Variants in SLC22A25 observed in about 807,000 individuals in gnomAD.
SLC22A25 encodes the protein solute carrier family 22 member 25.
SLC22A25 carries 44 observed loss-of-function variants against 45.9 expected under a neutral mutation model. The ratio of observed to expected loss-of-function variants is 0.96; its 90% CI spans 0.75 to 1.23. SLC22A25 has a LOEUF of 1.23. SLC22A25 is among the 50% of genes most tolerant of loss of function. The probability of loss-of-function intolerance (pLI) is 0.00; values close to 1 mark genes in which losing one functional copy is unlikely to be tolerated. For missense variants in SLC22A25, 800 were observed against 666.4 expected (o/e 1.20, Z -2.21); for synonymous variants, 283 against 238.6 (o/e 1.19, Z -1.72).
chr11:63,193,713 G>A (rs1290519258), intron 7 of SLC22A25, among the ~76,000 whole-genome samples: 4 of 152,236 alleles, frequency 2.6e-5, no homozygotes, highest in Non-Finnish European at 5.9e-5. Flanking sequence ...GGAGAAACAA[G>A]AGCAGAAAAG....
intron 9 of SLC22A25, chr11:63,167,258 C>G (rs1179013346): frequency 6.7e-6 from 1 of 150,054 alleles, no homozygotes; most frequent in Non-Finnish European, 1.5e-5. Context: ...AGACACTGAG[C>G]TAGCTGCAGG....
At chr11:63,236,380 T>C (rs1278375526) in intron 3 of SLC22A25, among the ~76,000 whole-genome samples, 1 of 152,194 alleles carries the variant, frequency 6.6e-6, no homozygotes, top group East Asian at 1.9e-4. Context: ...CACCTTGCAG[T>C]TTGATCTCAG....
At chr11:63,188,028 A>C (rs1006989728) in intron 7 of SLC22A25, among the ~76,000 whole-genome samples, 14 of 152,172 alleles carry the variant, frequency 9.2e-5, no homozygotes, top group Non-Finnish European at 1.6e-4. Context: ...TGTCTCTGCC[A>C]GGCTTTGGTA....
intron 7 of SLC22A25, among the ~76,000 whole-genome samples, chr11:63,185,487 A>G (rs1465914987): frequency 6.6e-6 from 1 of 151,438 alleles, no homozygotes; most frequent in Admixed American, 6.6e-5. Flanking sequence ...TTATGGCTGC[A>G]TAGTATTCCA....
intron 5 of SLC22A25, 91 bp downstream of exon 5, chr11:63,228,370 A>G: frequency 1.0e-6 from 1 of 994,560 alleles, no homozygotes; most frequent in Non-Finnish European, 1.5e-6. Context: ...GCAACAGGAT[A>G]GTGTGATTTC....
At chr11:63,212,735 T>C (rs1048104272) in intron 7 of SLC22A25, among the ~76,000 whole-genome samples, 1 of 151,800 alleles carries the variant, frequency 6.6e-6, no homozygotes, top group Non-Finnish European at 1.5e-5. Flanking sequence ...CGTACCAACA[T>C]GGCTTATGTA....
chr11:63,185,886 T>A (rs1456580123), intron 7 of SLC22A25, among the ~76,000 whole-genome samples: 1 of 150,454 alleles, frequency 6.6e-6, no homozygotes, highest in Non-Finnish European at 1.5e-5. Flanking sequence ...TCATTTTTTA[T>A]GGCTGCATAG....
At chr11:63,202,564 C>A (rs1035214747) in intron 7 of SLC22A25, among the ~76,000 whole-genome samples, 1 of 152,222 alleles carries the variant, frequency 6.6e-6, no homozygotes, top group African/African-American at 2.4e-5. Context: ...GAGCCCACCA[C>A]GGCTCAGTGC....
chr11:63,211,951 G>A (rs1046131135), intron 7 of SLC22A25, among the ~76,000 whole-genome samples: 11 of 151,870 alleles, frequency 7.2e-5, no homozygotes, highest in Non-Finnish European at 1.2e-4. Context: ...AATCTACAAT[G>A]AACTCAAACA....
chr11:63,238,315 A>T (rs2090196369), intron 2 of SLC22A25, among the ~76,000 whole-genome samples: 2 of 152,178 alleles, frequency 1.3e-5, no homozygotes, highest in African/African-American at 4.8e-5. Context: ...AAAAAATTTA[A>T]TGATTCGTGA....
At chr11:63,234,913 A>G (rs963648482) in intron 3 of SLC22A25, among the ~76,000 whole-genome samples, 1 of 152,116 alleles carries the variant, frequency 6.6e-6, no homozygotes, top group Non-Finnish European at 1.5e-5. Flanking sequence ...GTTTGGCTGG[A>G]TATGAAATTC....
At chr11:63,230,180 T>C (rs1025326011) in intron 3 of SLC22A25, among the ~76,000 whole-genome samples, 84 bp from the exon 4 acceptor site, 1 of 152,208 alleles carries the variant, frequency 6.6e-6, no homozygotes, top group Non-Finnish European at 1.5e-5. Flanking sequence ...CTGAGTTGAA[T>C]TAAAATGAGT....
chr11:63,190,839 G>T (rs1292007169), intron 7 of SLC22A25, among the ~76,000 whole-genome samples: 1 of 152,186 alleles, frequency 6.6e-6, no homozygotes, highest in Non-Finnish European at 1.5e-5. Flanking sequence ...CTGGGTATCA[G>T]CAGCAGAGGC....
intron 3 of SLC22A25, among the ~76,000 whole-genome samples, chr11:63,233,443 C>T (rs2090107102): frequency 6.6e-6 from 1 of 152,142 alleles, no homozygotes; most frequent in Non-Finnish European, 1.5e-5. Context: ...ATAGTATTGT[C>T]TGATGGTAGT....
chr11:63,227,108 C>T (rs11231418), intron 5 of SLC22A25, among the ~76,000 whole-genome samples: 55,318 of 151,448 alleles, frequency 0.37, 10,326 homozygotes, highest in East Asian at 0.56. Flanking sequence ...ATTGGGAACC[C>T]CAAAGGCCTA....
chr11:63,186,285 T>C (rs1362441329), intron 7 of SLC22A25, among the ~76,000 whole-genome samples: 1 of 150,562 alleles, frequency 6.6e-6, no homozygotes, highest in African/African-American at 2.4e-5. Context: ...TGCATTTCTC[T>C]GATGGCCAGT....
At chr11:63,186,757 A>G (rs1420821391) in intron 7 of SLC22A25, among the ~76,000 whole-genome samples, 2 of 151,962 alleles carry the variant, frequency 1.3e-5, no homozygotes, top group Non-Finnish European at 2.9e-5. Context: ...TCAGCTTTCT[A>G]CATATGGCTA....
chr11:63,168,870 G>T (rs112877122), intron 9 of SLC22A25, among the ~76,000 whole-genome samples: 2,662 of 152,000 alleles, frequency 0.018, 68 homozygotes, highest in African/African-American at 0.048. Context: ...GATTGTCAGA[G>T]TCTTCAAGAT....
chr11:63,194,889 G>GAAAAA (rs1565091135), intron 7 of SLC22A25, among the ~76,000 whole-genome samples: 4 of 14,286 alleles, frequency 2.8e-4, no homozygotes, highest in Non-Finnish European at 5.7e-4. Flanking sequence ...CAAATGGAAA[G>GAAAAA]CAAAAAAAAA....
Sources: gnomAD v4.1 joint callset for allele counts (sites outside exome capture counted in the v4.1 genomes callset) on GRCh38, gnomAD v4.1.1 for gene constraint, MANE v1.5 for transcripts, NCBI Gene and HGNC (gene_info 2026-07-23, HGNC 2026-07-21) for gene names.